The following ELMO1 variants were observed in gnomAD, a reference collection of about 807,000 sequenced individuals.
The protein encoded by ELMO1 is engulfment and cell motility protein 1.
In ELMO1, 26 loss-of-function variants were observed where a neutral mutation model predicts 98.9. The observed-to-expected ratio is 0.26, with a 90% CI of 0.19 to 0.36. ELMO1 has a LOEUF of 0.36. Among genes scored for constraint, ELMO1 ranks in the 10% least tolerant of loss-of-function variants. The probability of loss-of-function intolerance (pLI) is 1.00; values close to 1 mark genes in which losing one functional copy is unlikely to be tolerated. For missense variants in ELMO1, 627 were observed against 935.2 expected (o/e 0.67, Z 4.30); for synonymous variants, 346 against 346.0 (o/e 1.00, Z 0.00).
chr7:37,313,942 C>T (rs1023253381), intron 4 of ELMO1, among the ~76,000 whole-genome samples: 8 of 152,194 alleles, frequency 5.3e-5, no homozygotes, highest in African/African-American at 1.9e-4. Context: ...GCTGTTCCTT[C>T]CCTCCCTGCT....
chr7:36,902,534 G>A (rs1337946906), intron 16 of ELMO1, among the ~76,000 whole-genome samples: 2 of 152,196 alleles, frequency 1.3e-5, no homozygotes, highest in East Asian at 3.9e-4. Context: ...CATCAAAAAC[G>A]AAGTTAAGTG....
intron 10 of ELMO1, among the ~76,000 whole-genome samples, chr7:37,218,311 T>C (rs1276949815): frequency 4.6e-5 from 7 of 152,220 alleles, no homozygotes; most frequent in African/African-American, 1.7e-4. Flanking sequence ...TGTAATTGTC[T>C]GTTTACAATA....
At chr7:36,966,458 A>T (rs1789440734) in intron 16 of ELMO1, among the ~76,000 whole-genome samples, 1 of 152,196 alleles carries the variant, frequency 6.6e-6, no homozygotes, top group Admixed American at 6.5e-5. Flanking sequence ...TCACGTGACA[A>T]GGTTATACTC....
intron 16 of ELMO1, among the ~76,000 whole-genome samples, chr7:36,988,232 G>A (rs896840183): frequency 2.0e-5 from 3 of 152,152 alleles, no homozygotes; most frequent in Admixed American, 1.3e-4. Flanking sequence ...TCAGGGTGGT[G>A]GATGGCTCAG....
intron 13 of ELMO1, among the ~76,000 whole-genome samples, chr7:37,196,698 T>G (rs972476573): frequency 6.6e-6 from 1 of 152,214 alleles, no homozygotes; most frequent in Non-Finnish European, 1.5e-5. Context: ...ACTAAACAAC[T>G]TGAAAACAAA....
chr7:36,942,414 G>C (rs1787120280), intron 16 of ELMO1, among the ~76,000 whole-genome samples: 1 of 152,158 alleles, frequency 6.6e-6, no homozygotes, highest in Non-Finnish European at 1.5e-5. Context: ...GCTTAAAATA[G>C]AAATATAAAG....
intron 16 of ELMO1, among the ~76,000 whole-genome samples, chr7:36,977,251 C>T (rs1790633829): frequency 6.6e-6 from 1 of 152,138 alleles, no homozygotes; most frequent in Non-Finnish European, 1.5e-5. Context: ...ATGATCACTA[C>T]ACTGAAAATT....
At chr7:37,269,422 GCTC>G (rs1283566055) in intron 5 of ELMO1, 1 of 149,342 alleles carries the variant, frequency 6.7e-6, no homozygotes, top group African/African-American at 2.5e-5. Context: ...TTGTAGCTGG[GCTC>G]CTATCTTTTT....
Position 37,342,899 on chromosome 7 carries a change from G to T in ELMO1, c.-73-136C>A, listed in dbSNP as rs548371269. 3 of 528,494 alleles carry T rather than the reference G, an allele frequency of 5.7e-6. No individual in the cohort carries two copies. Among genetic ancestry groups the T allele is most frequent in the Non-Finnish European group, 1.0e-5 (3 of 301,164 alleles). The allele number at this position is 528,494 out of a possible 1,614,324, so 32.7% of individuals were successfully genotyped here. A position where few individuals can be genotyped will look rare whatever the true frequency, so the allele number is the denominator to read the frequency against. On this transcript the variant is annotated intron_variant, in intron 1 of 21. Transcript: ENST00000310758. The surrounding 1 kb of genome is among the most constrained non-coding windows in gnomAD (Gnocchi z 4.3). The stretch of plus-strand genomic sequence containing the variant: ...CCCTTGGTGCCTGGGTGCTGAAGGT[G>T]CAGGGGCACAGCCAACGGTACAATG...
At chr7:37,365,946 A>T (rs1583632171) in intron 1 of ELMO1, among the ~76,000 whole-genome samples, 1 of 152,248 alleles carries the variant, frequency 6.6e-6, no homozygotes, top group East Asian at 1.9e-4. Context: ...CCACTACATT[A>T]ATAAGAAAAT....
intron 4 of ELMO1, among the ~76,000 whole-genome samples, chr7:37,298,287 GTT>G (rs937078176): frequency 1.2e-3 from 126 of 101,422 alleles, no homozygotes; most frequent in Non-Finnish European, 2.1e-3. Flanking sequence ...AGTTTTTTTT[GTT>G]TTTTTTTTTT....
At chr7:36,992,242 A>G (rs999744) in intron 16 of ELMO1, among the ~76,000 whole-genome samples, 32,829 of 152,084 alleles carry the variant, frequency 0.22, 4,038 homozygotes, top group Middle Eastern at 0.36. Flanking sequence ...GGCTTGGAGA[A>G]GTGACCATGA....
chr7:36,933,165 T>C (rs1786195670), intron 16 of ELMO1, among the ~76,000 whole-genome samples: 1 of 152,188 alleles, frequency 6.6e-6, no homozygotes, highest in African/African-American at 2.4e-5. Flanking sequence ...CACTCACCCG[T>C]GCTTTGAGAA....
chr7:37,165,697 T>G (rs7797439), intron 13 of ELMO1, among the ~76,000 whole-genome samples: 1 of 152,000 alleles, frequency 6.6e-6, no homozygotes, highest in South Asian at 2.1e-4. Context: ...CCACTTGATC[T>G]TGGTGGATAA....
chr7:37,068,922 T>C (rs1797126430), intron 15 of ELMO1, among the ~76,000 whole-genome samples: 1 of 152,204 alleles, frequency 6.6e-6, no homozygotes, highest in African/African-American at 2.4e-5. Flanking sequence ...AAAATAATTA[T>C]AAAACAGCAG....
chr7:36,871,630 A>G (rs1803514575), intron 19 of ELMO1, among the ~76,000 whole-genome samples: 1 of 152,202 alleles, frequency 6.6e-6, no homozygotes, highest in South Asian at 2.1e-4. Flanking sequence ...ATGATGAGAG[A>G]TTTCACAGTT....
At chr7:36,962,666 C>CG (rs1324148916) in intron 16 of ELMO1, among the ~76,000 whole-genome samples, 1 of 62,494 alleles carries the variant, frequency 1.6e-5, no homozygotes, top group Non-Finnish European at 2.9e-5. Flanking sequence ...AGGGAATTAA[C>CG]GGGGGTGGGG....
intron 16 of ELMO1, among the ~76,000 whole-genome samples, chr7:36,975,527 TC>T (rs1415605813): frequency 2.6e-5 from 4 of 152,018 alleles, no homozygotes; most frequent in Non-Finnish European, 5.9e-5. Context: ...AATATAATTT[TC>T]AGTGTACTAC....
chr7:36,893,683 C>T (rs1584324813), intron 17 of ELMO1, among the ~76,000 whole-genome samples: 1 of 152,146 alleles, frequency 6.6e-6, no homozygotes, highest in Non-Finnish European at 1.5e-5. Context: ...ACAATATTAG[C>T]TGAGGGGTCA....
Sources: allele counts gnomAD v4.1 joint callset (sites outside exome capture counted in the v4.1 genomes callset), GRCh38; gene constraint gnomAD v4.1.1; non-coding constraint Gnocchi (gnomAD v3.1); transcripts MANE v1.5; gene names NCBI Gene and HGNC (gene_info 2026-07-23, HGNC 2026-07-21).